The following CSTL1 variants were observed in gnomAD, a reference collection of about 807,000 sequenced individuals.
The protein encoded by CSTL1 is cystatin-like 1.
Under a neutral mutation model 14.4 loss-of-function variants are expected in CSTL1, and 14 were observed. The observed-to-expected ratio is 0.97, with a 90% CI of 0.64 to 1.52. The LOEUF (loss-of-function observed/expected upper bound fraction) is 1.52. Among genes scored for constraint, CSTL1 ranks in the 40% most tolerant of loss-of-function variants. CSTL1 has a pLI of 0.00. For synonymous variants in CSTL1, 72 were observed against 67.5 expected, an observed-to-expected ratio of 1.07 and a Z score of -0.33; for missense variants, 170 against 168.7, an observed-to-expected ratio of 1.01 and a Z score of -0.04.
the CSTL1 span, among the ~76,000 whole-genome samples, chr20:23,454,602 G>A: frequency 6.6e-6 from 1 of 152,190 alleles, no homozygotes; most frequent in Non-Finnish European, 1.5e-5. Flanking sequence ...CACTGTGGAA[G>A]GGCTCTGTCT....
At chr20:23,457,578 T>A in the CSTL1 span, 1 of 151,762 alleles carries the variant, frequency 6.6e-6, no homozygotes, top group Admixed American at 6.6e-5. Context: ...TATATATAAA[T>A]TTTTTTAAAG....
the CSTL1 span, chr20:23,452,035 G>A: frequency 4.4e-5 from 29 of 659,576 alleles, no homozygotes; most frequent in South Asian, 9.2e-5. Context: ...GGTCCTAGGC[G>A]GATTAGCGGG....
chr20:23,442,504 A>G (rs544312008), intron 2 of CSTL1: 2 of 152,384 alleles, frequency 1.3e-5, no homozygotes, highest in African/African-American at 4.8e-5. Context: ...CTAATAACGA[A>G]TAACACTTTG....
At chr20:23,457,345 A>G in the CSTL1 span, among the ~76,000 whole-genome samples, 1 of 152,140 alleles carries the variant, frequency 6.6e-6, no homozygotes. Flanking sequence ...CATTTTCTCA[A>G]CATGGGTGAG....
intron 2 of CSTL1, 78 bp from the exon 3 acceptor site, chr20:23,443,856 C>G: frequency 9.7e-7 from 1 of 1,028,166 alleles, no homozygotes; most frequent in South Asian, 1.4e-5. Flanking sequence ...GCTTTACTCT[C>G]AGTCCTAGCT....
chr20:23,448,580 T>G (rs1202874095), downstream of CSTL1, among the ~76,000 whole-genome samples: 5 of 152,234 alleles, frequency 3.3e-5, no homozygotes, highest in East Asian at 9.6e-4. Flanking sequence ...TCTACTACCT[T>G]TGTAACTTCC....
chr20:23,453,377 C>T, the CSTL1 span, among the ~76,000 whole-genome samples: 3 of 152,136 alleles, frequency 2.0e-5, no homozygotes, highest in Admixed American at 6.5e-5. Flanking sequence ...CTGACACCGA[C>T]GATTCCCCAG....
At chr20:23,446,945 G>T (rs73901875), downstream of CSTL1, among the ~76,000 whole-genome samples, 13,865 of 151,962 alleles carry the variant, frequency 0.091, 972 homozygotes, top group African/African-American at 0.2. Context: ...TGGAATTCCT[G>T]CGCAAAAAAC....
At chr20:23,449,149 C>T (rs1249106746), downstream of CSTL1, among the ~76,000 whole-genome samples, 4 of 152,200 alleles carry the variant, frequency 2.6e-5, no homozygotes, top group Non-Finnish European at 5.9e-5. Flanking sequence ...CATGCAGGAG[C>T]TCTCCTGTTG....
chr20:23,449,517 C>CT (rs2123323068), downstream of CSTL1, among the ~76,000 whole-genome samples: 1 of 152,284 alleles, frequency 6.6e-6, no homozygotes, highest in African/African-American at 2.4e-5. Context: ...ATCTTCCTCC[C>CT]TTTCTTACTG....
the CSTL1 span, among the ~76,000 whole-genome samples, chr20:23,457,269 G>A: frequency 6.6e-6 from 1 of 152,170 alleles, no homozygotes; most frequent in Non-Finnish European, 1.5e-5. Flanking sequence ...GTCACCACTA[G>A]CTTGGGCGAG....
At chr20:23,442,988 A>G (rs1388779727) in intron 2 of CSTL1, among the ~76,000 whole-genome samples, 4 of 152,178 alleles carry the variant, frequency 2.6e-5, no homozygotes, top group Non-Finnish European at 5.9e-5. Flanking sequence ...CCAGGCTCCA[A>G]CCCCTGCAGG....
the CSTL1 span, among the ~76,000 whole-genome samples, chr20:23,454,456 C>G: frequency 6.6e-6 from 1 of 152,108 alleles, no homozygotes; most frequent in Non-Finnish European, 1.5e-5. Context: ...AGACACAGTA[C>G]ACACACAGAC....
the CSTL1 span, chr20:23,452,006 C>G: frequency 1.1e-6 from 1 of 925,892 alleles, no homozygotes; most frequent in African/African-American, 1.7e-5. Flanking sequence ...CGCTACCCCA[C>G]GTCCAAGGGC....
chr20:23,445,049 C>T (rs1986938379), downstream of CSTL1: 3 of 644,184 alleles, frequency 4.7e-6, no homozygotes, highest in Non-Finnish European at 8.5e-6. Flanking sequence ...TGCTCATACT[C>T]ACGACACCCT....
chr20:23,442,383 A>C (rs1232782024), intron 2 of CSTL1: 2 of 152,254 alleles, frequency 1.3e-5, no homozygotes, highest in Non-Finnish European at 2.9e-5. Flanking sequence ...TCACCTGCAA[A>C]GTGCCTCAGA....
chr20:23,457,499 C>T, the CSTL1 span: 3 of 152,022 alleles, frequency 2.0e-5, no homozygotes, highest in Non-Finnish European at 4.4e-5. Context: ...AGGGAGGTTA[C>T]AGGCCGCTGA....
At chr20:23,448,262 G>T (rs1987005891), downstream of CSTL1, among the ~76,000 whole-genome samples, 1 of 151,174 alleles carries the variant, frequency 6.6e-6, no homozygotes, top group Non-Finnish European at 1.5e-5. Flanking sequence ...TTTTTAAAGT[G>T]AACTCTCCCA....
downstream of CSTL1, chr20:23,445,044 A>G (rs1986937971): frequency 3.1e-6 from 2 of 646,650 alleles, no homozygotes; most frequent in South Asian, 1.8e-5. Context: ...CACAATGCTC[A>G]TACTCACGAC....
Sources: allele counts gnomAD v4.1 joint callset (sites outside exome capture counted in the v4.1 genomes callset), GRCh38; gene constraint gnomAD v4.1.1; transcripts MANE v1.5; gene names NCBI Gene and HGNC (gene_info 2026-07-23, HGNC 2026-07-21).